SRC: variants seen among roughly 807,000 people sequenced by gnomAD.
The protein encoded by SRC is proto-oncogene tyrosine-protein kinase Src.
Under a neutral mutation model 62.9 loss-of-function variants are expected in SRC, and 13 were observed. That is an observed-to-expected ratio of 0.21 (90% CI 0.13 to 0.33). SRC has a LOEUF of 0.33. Among genes scored for constraint, SRC ranks in the 10% least tolerant of loss-of-function variants. The pLI, the probability that SRC is intolerant of heterozygous loss-of-function variation, is 1.00. For missense variants in SRC, 457 were observed against 737.3 expected, an observed-to-expected ratio of 0.62 and a Z score of 4.40; for synonymous variants, 302 against 317.5, an observed-to-expected ratio of 0.95 and a Z score of 0.52.
In SRC at chr20:37,397,875, T is replaced by A; in HGVS notation, c.859+21T>A. On this transcript the variant is annotated intron_variant, in intron 9 of 13. Transcript: ENST00000373578. The surrounding 1 kb of genome is among the most constrained non-coding windows in gnomAD (Gnocchi z 4.1). ...GATGGGTAAGGCCTGGCCCCTGCCC[T>A]CGGGAGAGGCATCCACCCCCCACCC... The A allele has an allele frequency of 6.3e-7, 1 of 1,597,402 alleles. No individual in the cohort carries two copies. Among genetic ancestry groups the A allele is most frequent in the African/African-American group, 1.3e-5 (1 of 74,478 alleles).
intron 2 of SRC, among the ~76,000 whole-genome samples, chr20:37,379,321 A>G (rs192136800): frequency 2.6e-5 from 4 of 152,204 alleles, no homozygotes; most frequent in East Asian, 1.9e-4. Context: ...AAGTGGCGGA[A>G]GAGATGAGGG....
In SRC at chr20:37,396,992, C is replaced by T. The variant is rs992298818; in HGVS notation, c.703+681C>T. On this transcript the variant is annotated intron_variant, in intron 8 of 13. Coordinates refer to ENST00000373578, the MANE Select transcript of SRC (RefSeq NM_198291.3). The surrounding 1 kb of genome is among the most constrained non-coding windows in gnomAD (Gnocchi z 6.1). Reference sequence around the variant, plus strand: ...GATCACCCGCCACTCTCTGTCTCTTCGGCCACCGCTGTGTAGCTCATTCTG... The same window carrying T: ...GATCACCCGCCACTCTCTGTCTCTTTGGCCACCGCTGTGTAGCTCATTCTG... Among the ~76,000 whole-genome samples, 4 of 152,280 alleles carry T rather than the reference C, an allele frequency of 2.6e-5. 1 individual carries two copies. In the Middle Eastern group the frequency reaches 0.01, roughly 388 times the overall value.
chr20:37,368,889 T>G (rs1041335248), intron 2 of SRC, among the ~76,000 whole-genome samples: 1 of 152,150 alleles, frequency 6.6e-6, no homozygotes, highest in Non-Finnish European at 1.5e-5. Context: ...TATTTTTACC[T>G]CTTTCATTTA....
intron 1 of SRC, among the ~76,000 whole-genome samples, chr20:37,364,717 C>T (rs561531344): frequency 8.1e-4 from 123 of 152,194 alleles, no homozygotes; most frequent in Non-Finnish European, 1.3e-3. Flanking sequence ...GTTCCTCCCT[C>T]GGCCAGCCCA....
rs1051955887 is a variant in SRC at position 37,398,139 on chromosome 20, T to C, written c.859+285T>C. Reference sequence around the variant, plus strand: ...GGGCCCGGTGGCCTCACTCAGAGCCTCAGTCTTCCCGACTGTGAATGGGGC... The same window carrying C: ...GGGCCCGGTGGCCTCACTCAGAGCCCCAGTCTTCCCGACTGTGAATGGGGC... On this transcript the variant is annotated intron_variant, in intron 9 of 13. Coordinates refer to ENST00000373578, the MANE Select transcript of SRC (RefSeq NM_198291.3). This position sits in a 1 kb window ranked among gnomAD's most constrained non-coding sequence, Gnocchi z 5.2. Among the ~76,000 whole-genome samples the C allele has an allele frequency of 1.3e-5, 2 of 152,070 alleles. No homozygotes were observed. Among genetic ancestry groups the C allele is most frequent in the Non-Finnish European group, 2.9e-5 (2 of 68,004 alleles).
chr20:37,401,683 G>A lies in SRC; in HGVS notation c.1116+5G>A, dbSNP rs1412523190. ...CTGGTGGACATGGCTGCTCAGGTGA[G>A]TCAGCCCCTCCCGCCTCCCCACACC... is the stretch of plus-strand genomic sequence containing the variant. On this transcript the variant is annotated splice_donor_5th_base_variant and intron_variant, in intron 11 of 13. Transcript: ENST00000373578. The A allele has an allele frequency of 6.2e-7, 1 of 1,604,928 alleles. No individual in the cohort carries two copies. The highest frequency in any genetic ancestry group is 1.7e-5 in the Admixed American group (1 of 59,190).
intron 2 of SRC, among the ~76,000 whole-genome samples, chr20:37,367,326 C>T (rs2146963298): frequency 6.6e-6 from 1 of 151,156 alleles, no homozygotes; most frequent in East Asian, 2.0e-4. Context: ...GTGATCCTCG[C>T]ACCTCAGCCT....
At chr20:37,345,282 G>C (rs2069701296), upstream of SRC, among the ~76,000 whole-genome samples, 1 of 152,124 alleles carries the variant, frequency 6.6e-6, no homozygotes, top group Admixed American at 6.5e-5. Flanking sequence ...CCTGGAGCCT[G>C]CGCCAGGGGG....
intron 1 of SRC, among the ~76,000 whole-genome samples, chr20:37,364,209 G>A (rs1255544225): frequency 6.6e-6 from 1 of 152,158 alleles, no homozygotes; most frequent in Non-Finnish European, 1.5e-5. Context: ...TCTGGGGTAC[G>A]AGACGGTGGA....
At position 37,401,921 on chromosome 20, in the gene SRC, G is replaced by T. The variant is rs143740006; in HGVS notation, c.1116+243G>T. On this transcript the variant is annotated intron_variant, in intron 11 of 13. Transcript: ENST00000373578. ...TCACTGACTTACTGTGGGACCTCGGGCCTCAGTTGTCGTCTCTGTAAAGGT... is the reference window on the plus strand; with the variant it reads ...TCACTGACTTACTGTGGGACCTCGGTCCTCAGTTGTCGTCTCTGTAAAGGT... 8 of 450,024 alleles carry T rather than the reference G, an allele frequency of 1.8e-5. No individual in the cohort carries two copies. In the East Asian group the frequency reaches 2.8e-4, roughly 16 times the overall value. The allele number at this position is 450,024 out of a possible 1,614,324, so 27.9% of individuals were successfully genotyped here.
Position 37,373,149 on chromosome 20 carries a change from T to C in SRC, c.-173+7872T>C, listed in dbSNP as rs564909106. On this transcript the variant is annotated intron_variant, in intron 2 of 13. Coordinates refer to ENST00000373578, the MANE Select transcript of SRC (RefSeq NM_198291.3). ...GTACATATATACACATATGTACATA[T>C]ACACACATACACACATATATGTACA... Among the ~76,000 whole-genome samples, 78 of 128,982 alleles carry C rather than the reference T, an allele frequency of 6.0e-4. 1 individual carries two copies. Among genetic ancestry groups the C allele is most frequent in the Middle Eastern group, 4.1e-3 (1 of 242 alleles). The allele number at this position is 128,982 out of a possible 152,430, so 84.6% of individuals were successfully genotyped here.
chr20:37,394,149 C>G, intron 6 of SRC, 25 bp from the exon 7 acceptor site: 3 of 1,603,948 alleles, frequency 1.9e-6, no homozygotes, highest in Non-Finnish European at 2.6e-6. Flanking sequence ...ACAGTCAGCA[C>G]CATCCTCCGT....
At chr20:37,393,392 G>C (rs1481314487) in intron 5 of SRC, among the ~76,000 whole-genome samples, 1 of 152,224 alleles carries the variant, frequency 6.6e-6, no homozygotes, top group Non-Finnish European at 1.5e-5. Context: ...CTCCACCCAG[G>C]TCTCACCAGC....
Position 37,405,340 on chromosome 20 carries a change from TGC to T in SRC, c.*1963_*1964del, listed in dbSNP as rs2070812434. The T allele has an allele frequency of 1.6e-5, 1 of 61,530 alleles. No individual in the cohort carries two copies. Among genetic ancestry groups the T allele is most frequent in the Non-Finnish European group, 3.1e-5 (1 of 32,620 alleles). 3.8% of individuals were successfully genotyped at this position (61,530 alleles called of 1,614,324 possible). ...GCTCCGAAATTCCAAGGCCCAGACT[TGC>T]GGGGGGTGGGGGGGTATCCAGAATT... On this transcript the variant is annotated 3_prime_UTR_variant, in exon 14 of 14. Transcript: ENST00000373578.
In SRC at chr20:37,398,353, G is replaced by A. The variant is rs1025258363; in HGVS notation, c.859+499G>A. The stretch of plus-strand genomic sequence containing the variant: ...GGAGAAACAGCAAAGCATGAGCACC[G>A]TGCAGCCCTGACAAAACCCAGGCCC... On this transcript the variant is annotated intron_variant, in intron 9 of 13. Transcript: ENST00000373578. This position sits in a 1 kb window ranked among gnomAD's most constrained non-coding sequence, Gnocchi z 5.2. Among the ~76,000 whole-genome samples the A allele has an allele frequency of 1.3e-5, 2 of 152,218 alleles. No homozygotes were observed. The highest frequency in any genetic ancestry group is 4.8e-5 in the African/African-American group (2 of 41,446).
rs2069982086 is a variant in SRC, at chr20:37,362,025, A to C, written c.-246-3179A>C. 3.9e-5 allele frequency among the ~76,000 whole-genome samples: 6 copies of C among 152,044 alleles called. No homozygotes were observed. The South Asian group carries it at 1.2e-3, about 32-fold the overall frequency. ...CTGGGGTCTCTGTGTGCAGGCAGAG[A>C]TGCTGAAGCCCAGGTTAGCTCTTAT... On this transcript the variant is annotated intron_variant, in intron 1 of 13. Coordinates refer to ENST00000373578, the MANE Select transcript of SRC (RefSeq NM_198291.3).
At chr20:37,391,458 A>G (rs2070546549) in intron 5 of SRC, among the ~76,000 whole-genome samples, 1 of 152,140 alleles carries the variant, frequency 6.6e-6, no homozygotes, top group Non-Finnish European at 1.5e-5. Context: ...GAGGCTTTGA[A>G]CTGAAAGATC....
chr20:37,374,205 G>A (rs1377195598), intron 2 of SRC, among the ~76,000 whole-genome samples: 1 of 151,156 alleles, frequency 6.6e-6, no homozygotes, highest in East Asian at 1.9e-4. Flanking sequence ...TCAGCCTCCC[G>A]AGTAGCTAGG....
At chr20:37,385,863 C>T (rs2147059411) in intron 4 of SRC, among the ~76,000 whole-genome samples, 1 of 152,388 alleles carries the variant, frequency 6.6e-6, no homozygotes, top group Admixed American at 6.5e-5. Context: ...GGAAGGGATG[C>T]TCCCGCTCCC....
Sources: gnomAD v4.1 joint callset for allele counts (sites outside exome capture counted in the v4.1 genomes callset) on GRCh38, gnomAD v4.1.1 for gene constraint, Gnocchi (gnomAD v3.1) non-coding constraint, MANE v1.5 for transcripts, NCBI Gene and HGNC (gene_info 2026-07-23, HGNC 2026-07-21) for gene names.